The following PTPRM variants were observed in gnomAD, a reference collection of about 807,000 sequenced individuals.
PTPRM encodes the protein protein tyrosine phosphatase receptor type M, also known as receptor-type tyrosine-protein phosphatase mu.
Under a neutral mutation model 186.7 loss-of-function variants are expected in PTPRM, and 47 were observed. The ratio of observed to expected loss-of-function variants is 0.25; its 90% CI spans 0.20 to 0.32. The LOEUF is 0.32. PTPRM is among the 10% of genes least tolerant of loss of function. The pLI is 1.00. For synonymous variants in PTPRM, 668 were observed against 674.9 expected (o/e 0.99, Z 0.16); for missense variants, 1,494 against 1,865.0 (o/e 0.80, Z 3.66).
At chr18:8,204,917 C>T (rs1419549980) in intron 14 of PTPRM, among the ~76,000 whole-genome samples, 1 of 152,088 alleles carries the variant, frequency 6.6e-6, no homozygotes, top group Non-Finnish European at 1.5e-5. Context: ...GCTATCAGCA[C>T]AGGCCATATT....
intron 7 of PTPRM, among the ~76,000 whole-genome samples, chr18:7,964,816 T>A (rs1227076823): frequency 1.3e-5 from 2 of 152,078 alleles, no homozygotes; most frequent in Non-Finnish European, 2.9e-5. Context: ...GAAAACTTTT[T>A]GTTTTGCCTC....
intron 14 of PTPRM, among the ~76,000 whole-genome samples, chr18:8,164,831 A>C (rs1256822884): frequency 2.6e-5 from 4 of 152,206 alleles, no homozygotes; most frequent in African/African-American, 9.7e-5. Flanking sequence ...ACTTAAAAAT[A>C]GTTAAAATGG....
At chr18:7,985,265 A>G (rs1213394700) in intron 7 of PTPRM, among the ~76,000 whole-genome samples, 1 of 82,860 alleles carries the variant, frequency 1.2e-5, no homozygotes, top group Non-Finnish European at 2.4e-5. Context: ...ATAAATATAT[A>G]CATATAATAG....
chr18:7,630,126 G>A (rs550951306), intron 1 of PTPRM, among the ~76,000 whole-genome samples: 21 of 152,274 alleles, frequency 1.4e-4, no homozygotes, highest in African/African-American at 5.1e-4. Flanking sequence ...TCTAATGGGT[G>A]GTTGGGTATG....
intron 3 of PTPRM, among the ~76,000 whole-genome samples, chr18:7,904,393 T>C (rs1327842799): frequency 6.6e-6 from 1 of 152,156 alleles, no homozygotes; most frequent in Non-Finnish European, 1.5e-5. Flanking sequence ...TGATGTCCTT[T>C]TGTAAGCAAA....
At chr18:8,320,372 C>T (rs372139299) in intron 22 of PTPRM, among the ~76,000 whole-genome samples, 37 of 152,248 alleles carry the variant, frequency 2.4e-4, no homozygotes, top group African/African-American at 8.4e-4. Context: ...TGAGTCATAG[C>T]TTAGGAAAAG....
At chr18:7,769,552 A>G (rs1167536445) in intron 1 of PTPRM, among the ~76,000 whole-genome samples, 1 of 152,158 alleles carries the variant, frequency 6.6e-6, no homozygotes, top group Non-Finnish European at 1.5e-5. Flanking sequence ...CGGTACATGA[A>G]CTTAGTGACT....
At chr18:7,713,666 A>T (rs1018715621) in intron 1 of PTPRM, among the ~76,000 whole-genome samples, 1 of 149,332 alleles carries the variant, frequency 6.7e-6, no homozygotes, top group South Asian at 2.2e-4. Context: ...AAATAAAGGG[A>T]TAGAGGAATA....
At chr18:7,616,356 C>T (rs2143914489) in intron 1 of PTPRM, among the ~76,000 whole-genome samples, 2 of 152,222 alleles carry the variant, frequency 1.3e-5, no homozygotes, top group South Asian at 4.1e-4. Flanking sequence ...TTGGGGGTCT[C>T]ACAGTGTTGC....
At chr18:8,117,149 T>C (rs1021770005) in intron 13 of PTPRM, among the ~76,000 whole-genome samples, 1 of 152,206 alleles carries the variant, frequency 6.6e-6, no homozygotes, top group Admixed American at 6.5e-5. Flanking sequence ...ATACTAGAAA[T>C]TCTCTTGCAA....
At chr18:7,903,711 C>T (rs1599399119) in intron 3 of PTPRM, among the ~76,000 whole-genome samples, 1 of 152,166 alleles carries the variant, frequency 6.6e-6, no homozygotes, top group Non-Finnish European at 1.5e-5. Context: ...TGCCTTTCCT[C>T]TCCGCTGTGT....
chr18:7,749,757 A>T (rs2041123214), intron 1 of PTPRM, among the ~76,000 whole-genome samples: 1 of 152,186 alleles, frequency 6.6e-6, no homozygotes, highest in Non-Finnish European at 1.5e-5. Flanking sequence ...TAAAGTGTAG[A>T]TATATATTCT....
intron 19 of PTPRM, among the ~76,000 whole-genome samples, chr18:8,280,573 G>A (rs1469249254): frequency 6.6e-6 from 1 of 152,072 alleles, no homozygotes; most frequent in Non-Finnish European, 1.5e-5. Context: ...TGCCCAAAAT[G>A]GTTGCTCCAA....
chr18:8,031,258 G>A (rs959901881), intron 7 of PTPRM, among the ~76,000 whole-genome samples: 1 of 152,122 alleles, frequency 6.6e-6, no homozygotes, highest in African/African-American at 2.4e-5. Flanking sequence ...TAAATTTTCG[G>A]GTAGAGATTT....
At chr18:7,926,528 T>A (rs751485653) in intron 4 of PTPRM, 40 bp from the exon 5 acceptor site, 1 of 1,500,468 alleles carries the variant, frequency 6.7e-7, no homozygotes, top group Admixed American at 2.0e-5. Flanking sequence ...TAGTTACAAA[T>A]CTCCACTTTT....
intron 1 of PTPRM, among the ~76,000 whole-genome samples, chr18:7,706,624 A>C (rs1053675133): frequency 2.0e-5 from 3 of 150,096 alleles, no homozygotes; most frequent in South Asian, 2.1e-4. Context: ...AAAAAAAAAA[A>C]AAAAAACAAC....
At chr18:8,106,419 A>T (rs577506825) in intron 11 of PTPRM, among the ~76,000 whole-genome samples, 1 of 152,294 alleles carries the variant, frequency 6.6e-6, no homozygotes, top group African/African-American at 2.4e-5. Flanking sequence ...ACATTTGGGC[A>T]CTTGGTTCAG....
intron 7 of PTPRM, among the ~76,000 whole-genome samples, chr18:8,050,243 C>A (rs903830158): frequency 2.0e-5 from 3 of 152,148 alleles, no homozygotes; most frequent in African/African-American, 7.2e-5. Flanking sequence ...GTTCTGTGAT[C>A]TCTTTGATAG....
chr18:8,011,841 A>G (rs987113484), intron 7 of PTPRM, among the ~76,000 whole-genome samples: 1 of 152,216 alleles, frequency 6.6e-6, no homozygotes, highest in African/African-American at 2.4e-5. Flanking sequence ...TTTAGAAGGG[A>G]TCCCTCCTTC....
Sources: gnomAD v4.1 joint callset for allele counts (sites outside exome capture counted in the v4.1 genomes callset) on GRCh38, gnomAD v4.1.1 for gene constraint, MANE v1.5 for transcripts, NCBI Gene and HGNC (gene_info 2026-07-23, HGNC 2026-07-21) for gene names.